Variants in ABCD2 observed in about 807,000 individuals in gnomAD.
The protein encoded by ABCD2 is ATP-binding cassette sub-family D member 2.
In ABCD2, 36 loss-of-function variants were observed where a neutral mutation model predicts 70.9. That is an observed-to-expected ratio of 0.51 (90% confidence interval 0.39 to 0.67). The LOEUF (loss-of-function observed/expected upper bound fraction) is 0.67. Ranked by LOEUF, ABCD2 falls within the 30% of genes least tolerant of loss-of-function variation. ABCD2 has a pLI of 0.00. For missense variants in ABCD2, 729 were observed against 890.2 expected (o/e 0.82, Z 2.30); for synonymous variants, 304 against 306.9 (o/e 0.99, Z 0.10).
chr12:39,618,564 A>C (rs2120798595), intron 1 of ABCD2, 113 bp downstream of exon 1: 2 of 882,508 alleles, frequency 2.3e-6, no homozygotes, highest in Non-Finnish European at 3.5e-6. Context: ...TGTCAGAGGA[A>C]TCTAAGACAC....
intron 6 of ABCD2, among the ~76,000 whole-genome samples, chr12:39,592,118 C>A (rs1164092346): frequency 6.6e-6 from 1 of 152,174 alleles, no homozygotes; most frequent in Admixed American, 6.5e-5. Context: ...TGTACAACTT[C>A]TATTTCTGTC....
At chr12:39,587,897 C>T (rs1941687549) in intron 6 of ABCD2, among the ~76,000 whole-genome samples, 1 of 152,112 alleles carries the variant, frequency 6.6e-6, no homozygotes. Flanking sequence ...AATTTTTGAA[C>T]TTGGCTATAT....
intron 6 of ABCD2, among the ~76,000 whole-genome samples, chr12:39,586,747 T>C (rs962673585): frequency 6.6e-6 from 1 of 152,192 alleles, no homozygotes; most frequent in African/African-American, 2.4e-5. Context: ...TTTCACTGTA[T>C]TTGATAAAGA....
rs201062969 is a variant in ABCD2, at chr12:39,560,015, CT to C, written c.2004-5885del. On this transcript the variant is annotated intron_variant, in intron 9 of 9. Transcript: ENST00000308666. ...AAGGGGTTATGTAAATCACTTATTT[CT>C]TTTTTTTATTATACTTTAAGTTCTA... is the stretch of plus-strand genomic sequence containing the variant. Among the ~76,000 whole-genome samples, 477 of 152,030 alleles carry C rather than the reference CT, an allele frequency of 3.1e-3. 5 individuals are homozygous for C. The highest frequency in any genetic ancestry group is 0.014 in the Middle Eastern group (4 of 294).
intron 1 of ABCD2, among the ~76,000 whole-genome samples, chr12:39,617,618 A>G (rs568167001): frequency 6.6e-6 from 1 of 152,288 alleles, no homozygotes; most frequent in South Asian, 2.1e-4. Flanking sequence ...ATTGAATTCA[A>G]TAGTTCAAGA....
In ABCD2 at chr12:39,598,479, C is replaced by T. The variant is rs146116974; in HGVS notation, c.1646+2092G>A. On this transcript the variant is annotated intron_variant, in intron 6 of 9. Coordinates refer to ENST00000308666, the MANE Select transcript of ABCD2 (RefSeq NM_005164.4). ...GCAGTGGCGCCATCTCAGCTCACCG[C>T]GACCTCTGTCTCCCAGGTTCAAGAA... Among the ~76,000 whole-genome samples the T allele has an allele frequency of 7.2e-5, 11 of 152,258 alleles. No individual in the cohort carries two copies. In the East Asian group the frequency reaches 1.9e-3, roughly 27 times the overall value.
chr12:39,604,512 C>T (rs1448095799), intron 4 of ABCD2, among the ~76,000 whole-genome samples: 1 of 151,948 alleles, frequency 6.6e-6, no homozygotes, highest in Non-Finnish European at 1.5e-5. Flanking sequence ...TTCATTATGC[C>T]ATATGTGCAG....
chr12:39,616,932 A>G (rs1418706714), intron 2 of ABCD2, 56 bp downstream of exon 2: 1 of 1,465,012 alleles, frequency 6.8e-7, no homozygotes, highest in Non-Finnish European at 9.2e-7. Context: ...AGCAATGACA[A>G]CTTCAAAAGA....
At position 39,607,721 on chromosome 12, in the gene ABCD2, AT is replaced by A; in HGVS notation, c.1121-8del. On this transcript the variant is annotated splice_region_variant and splice_polypyrimidine_tract_variant and intron_variant, in intron 2 of 9. Transcript: ENST00000308666. ...ACTTGCTTTTGGCCATCCTCTAGAT[AT>A]AAAAACAAATTACAAAACTTGAGTT... is the stretch of plus-strand genomic sequence containing the variant. 6.4e-7 allele frequency: 1 copy of A among 1,559,966 alleles called. No individual in the cohort carries two copies. The highest frequency in any genetic ancestry group is 8.7e-7 in the Non-Finnish European group (1 of 1,151,132).
intron 9 of ABCD2, among the ~76,000 whole-genome samples, chr12:39,566,964 G>A (rs1394842260): frequency 6.6e-6 from 1 of 152,196 alleles, no homozygotes; most frequent in African/African-American, 2.4e-5. Context: ...TTAATCCTGA[G>A]TTCTAATTTG....
chr12:39,531,462 T>C, the ABCD2 span, among the ~76,000 whole-genome samples: 1 of 152,200 alleles, frequency 6.6e-6, no homozygotes, highest in Admixed American at 6.5e-5. Flanking sequence ...AGGAGCAGTT[T>C]ATTTTGCAGC....
the ABCD2 span, among the ~76,000 whole-genome samples, chr12:39,535,939 T>A: frequency 1.3e-5 from 2 of 152,160 alleles, no homozygotes; most frequent in African/African-American, 2.4e-5. Context: ...GGTCAGCAGT[T>A]TGAGACCAGC....
rs1840087861 is a variant in ABCD2, at chr12:39,553,729, A to G, written c.*183T>C. The G allele has an allele frequency of 1.7e-6, 1 of 580,578 alleles. No individual in the cohort carries two copies. Among genetic ancestry groups the G allele is most frequent in the Non-Finnish European group, 3.0e-6 (1 of 329,248 alleles). The allele number at this position is 580,578 out of a possible 1,614,324, so 36.0% of individuals were successfully genotyped here. On this transcript the variant is annotated 3_prime_UTR_variant, in exon 10 of 10. Transcript: ENST00000308666. ...TATAAGTCATAATGACTGACCTTAC[A>G]TAATGCATTTGTTTATTTTCTTCTG...
intron 9 of ABCD2, among the ~76,000 whole-genome samples, chr12:39,556,479 GT>G (rs1566527689): frequency 6.6e-6 from 1 of 152,024 alleles, no homozygotes; most frequent in Non-Finnish European, 1.5e-5. Context: ...TCCTGTGTTC[GT>G]TCTCTTTCTT....
At chr12:39,601,542 G>T (rs927681836) in intron 5 of ABCD2, among the ~76,000 whole-genome samples, 1 of 151,698 alleles carries the variant, frequency 6.6e-6, no homozygotes, top group African/African-American at 2.4e-5. Context: ...GTCTTATTAT[G>T]GTATTTAAAG....
chr12:39,587,769 C>A (rs144534291), intron 6 of ABCD2, among the ~76,000 whole-genome samples: 12 of 151,900 alleles, frequency 7.9e-5, no homozygotes, highest in African/African-American at 2.9e-4. Context: ...CCAACAAGAA[C>A]GAAGGAAGAA....
intron 9 of ABCD2, among the ~76,000 whole-genome samples, chr12:39,565,286 G>T (rs1941327086): frequency 6.6e-6 from 1 of 152,116 alleles, no homozygotes; most frequent in African/African-American, 2.4e-5. Flanking sequence ...CCATTTGTTT[G>T]TATCCTCTTT....
At chr12:39,556,751 C>T (rs532413398) in intron 9 of ABCD2, among the ~76,000 whole-genome samples, 5 of 151,500 alleles carry the variant, frequency 3.3e-5, no homozygotes, top group South Asian at 2.1e-4. Flanking sequence ...CTTTGGGAGT[C>T]TGAGGCAGGT....
At chr12:39,534,871 G>GGAAA in the ABCD2 span, among the ~76,000 whole-genome samples, 1 of 111,526 alleles carries the variant, frequency 9.0e-6, no homozygotes, top group African/African-American at 3.3e-5. Context: ...AGAAAGAAAA[G>GGAAA]GAAGGAAGGA....
Sources: allele counts gnomAD v4.1 joint callset (sites outside exome capture counted in the v4.1 genomes callset), GRCh38; gene constraint gnomAD v4.1.1; transcripts MANE v1.5; gene names NCBI Gene and HGNC (gene_info 2026-07-23, HGNC 2026-07-21).